KCNB2: variants seen among roughly 807,000 people sequenced by gnomAD.
The protein encoded by KCNB2 is potassium voltage-gated channel subfamily B member 2, also known as delayed rectifier potassium channel protein.
Under a neutral mutation model 61.5 loss-of-function variants are expected in KCNB2, and 15 were observed. That is an observed-to-expected ratio of 0.24 (90% CI 0.16 to 0.38). KCNB2 has a LOEUF of 0.38. Ranked by LOEUF, KCNB2 falls within the 10% of genes least tolerant of loss-of-function variation. The pLI is 1.00. For synonymous variants in KCNB2, 457 were observed against 446.0 expected (o/e 1.02, Z -0.31); for missense variants, 828 against 1,125.2 (o/e 0.74, Z 3.78).
In KCNB2 at chr8:72,881,486, A is replaced by G. The variant is rs1174471569; in HGVS notation, c.580-54449A>G. 2 of 5,282 alleles carry G rather than the reference A, an allele frequency of 3.8e-4. 1 individual carries two copies. The highest frequency in any genetic ancestry group is 1.2e-3 in the Non-Finnish European group (2 of 1,604). The allele number at this position is 5,282 out of a possible 1,614,324, so 0.3% of individuals were successfully genotyped here. The stretch of plus-strand genomic sequence containing the variant: ...TGTCTGGCACTCCCTAGTGAGATGA[A>G]CCCGGTACCTCAGATGGAAATGCAG... On this transcript the variant is annotated intron_variant, in intron 2 of 2. Transcript: ENST00000523207.
chr8:72,572,517 T>C (rs1324458151), intron 2 of KCNB2, among the ~76,000 whole-genome samples: 1 of 151,724 alleles, frequency 6.6e-6, no homozygotes, highest in African/African-American at 2.4e-5. Flanking sequence ...ACTTCCTCCC[T>C]CCCTTTCCCC....
intron 2 of KCNB2, among the ~76,000 whole-genome samples, chr8:72,885,118 C>T (rs1292744025): frequency 6.6e-6 from 1 of 152,062 alleles, no homozygotes; most frequent in Non-Finnish European, 1.5e-5. Context: ...TGGTTTATGA[C>T]ATAATCTCCT....
At chr8:72,841,305 G>A (rs866762792) in intron 2 of KCNB2, among the ~76,000 whole-genome samples, 2 of 67,242 alleles carry the variant, frequency 3.0e-5, no homozygotes, top group Middle Eastern at 8.2e-3. Context: ...GGTTACTATA[G>A]CCCTGTAGTA....
Position 72,677,344 on chromosome 8 carries a change from A to G in KCNB2, c.579+109031A>G, listed in dbSNP as rs183815382. On this transcript the variant is annotated intron_variant, in intron 2 of 2. Transcript: ENST00000523207. The stretch of plus-strand genomic sequence containing the variant: ...GTTAAAGCAGCCCTGGGAATCTACT[A>G]CAGGCCACAACCTCTCAGCACCAAG... Among the ~76,000 whole-genome samples, 261 of 152,306 alleles carry G rather than the reference A, an allele frequency of 1.7e-3. 2 individuals carry two copies. Among genetic ancestry groups the G allele is most frequent in the African/African-American group, 5.9e-3 (245 of 41,566 alleles).
At chr8:72,673,120 A>G (rs1021064502) in intron 2 of KCNB2, among the ~76,000 whole-genome samples, 10 of 152,238 alleles carry the variant, frequency 6.6e-5, no homozygotes, top group Non-Finnish European at 1.3e-4. Flanking sequence ...TGTTATTCAC[A>G]ATAGGTGAAT....
chr8:72,850,856 TGA>T (rs1273068548), intron 2 of KCNB2, among the ~76,000 whole-genome samples: 1 of 151,986 alleles, frequency 6.6e-6, no homozygotes, highest in Non-Finnish European at 1.5e-5. Context: ...GACTTCTGTA[TGA>T]GTATCAATCT....
At chr8:72,715,127 T>C (rs903969559) in intron 2 of KCNB2, among the ~76,000 whole-genome samples, 20 of 152,168 alleles carry the variant, frequency 1.3e-4, no homozygotes, top group Admixed American at 1.0e-3. Context: ...TAAATATATA[T>C]GCACCCAATA....
intron 2 of KCNB2, among the ~76,000 whole-genome samples, chr8:72,576,023 C>A (rs79101228): frequency 6.6e-6 from 1 of 151,936 alleles, no homozygotes; most frequent in Non-Finnish European, 1.5e-5. Flanking sequence ...ATTGATCATT[C>A]GGATAAAGGA....
intron 2 of KCNB2, among the ~76,000 whole-genome samples, chr8:72,922,729 G>A (rs1424602383): frequency 2.0e-5 from 3 of 152,088 alleles, no homozygotes; most frequent in Non-Finnish European, 4.4e-5. Flanking sequence ...AACTTTGGAG[G>A]GACATAAGCA....
chr8:72,560,951 T>C (rs1181977667), intron 1 of KCNB2, among the ~76,000 whole-genome samples: 1 of 152,164 alleles, frequency 6.6e-6, no homozygotes, highest in Admixed American at 6.5e-5. Flanking sequence ...AAAATTATAT[T>C]ACGGGGTCTA....
chr8:72,875,538 C>CTTTTTT (rs1202722527), intron 2 of KCNB2, among the ~76,000 whole-genome samples: 4 of 7,642 alleles, frequency 5.2e-4, no homozygotes, highest in South Asian at 2.8e-3. Flanking sequence ...CATTGCAAAT[C>CTTTTTT]TTTTTTTTTT....
intron 2 of KCNB2, among the ~76,000 whole-genome samples, chr8:72,725,577 A>ATGTG (rs1397992108): frequency 8.8e-4 from 58 of 65,714 alleles, no homozygotes; most frequent in African/African-American, 4.1e-3. Context: ...ATATATATGT[A>ATGTG]TATATATATG....
In KCNB2 at chr8:72,757,752, A is replaced by C. The variant is rs1022367229; in HGVS notation, c.580-178183A>C. On this transcript the variant is annotated intron_variant, in intron 2 of 2. Coordinates refer to ENST00000523207, the MANE Select transcript of KCNB2 (RefSeq NM_004770.3). ...CCTTGTAGAAGGCCAGGGTTGGCAC[A>C]ATGGGGGCTGATGCTGAAGTTTGGG... Among the ~76,000 whole-genome samples, 35 of 152,224 alleles carry C rather than the reference A, an allele frequency of 2.3e-4. 1 individual carries two copies. The highest frequency in any genetic ancestry group is 2.0e-3 in the Admixed American group (31 of 15,282).
intron 2 of KCNB2, among the ~76,000 whole-genome samples, chr8:72,570,204 T>C (rs1287716820): frequency 2.6e-5 from 4 of 152,156 alleles, no homozygotes; most frequent in African/African-American, 9.6e-5. Context: ...AAATTATGTC[T>C]GTATGTATAG....
At chr8:72,551,527 G>C (rs549912744) in intron 1 of KCNB2, among the ~76,000 whole-genome samples, 2 of 152,062 alleles carry the variant, frequency 1.3e-5, no homozygotes, top group Non-Finnish European at 2.9e-5. Context: ...CTAGAAGGCC[G>C]TCTCGCATAG....
At chr8:72,683,254 A>G (rs1397335239) in intron 2 of KCNB2, among the ~76,000 whole-genome samples, 1 of 152,226 alleles carries the variant, frequency 6.6e-6, no homozygotes, top group East Asian at 1.9e-4. Context: ...TGCTTCTGAC[A>G]CTTTTTTTTC....
intron 2 of KCNB2, among the ~76,000 whole-genome samples, chr8:72,597,162 TA>T (rs1807211922): frequency 6.6e-6 from 1 of 152,062 alleles, no homozygotes; most frequent in South Asian, 2.1e-4. Context: ...TAGCTGGGAC[TA>T]CAGGCGCACG....
intron 2 of KCNB2, among the ~76,000 whole-genome samples, chr8:72,731,771 A>C (rs1402792486): frequency 2.6e-5 from 4 of 152,230 alleles, no homozygotes; most frequent in Admixed American, 2.0e-4. Flanking sequence ...ATGTCACAGA[A>C]CTTCTAATGG....
rs561450082 is a variant in KCNB2 at position 72,797,177 on chromosome 8, C to T, written c.580-138758C>T. 2.0e-5 allele frequency among the ~76,000 whole-genome samples: 3 copies of T among 152,260 alleles called. No homozygotes were observed. The South Asian group carries it at 6.2e-4, about 32-fold the overall frequency. ...TGATGCTGGGGATGACATTTGTAAT[C>T]TCTAAAAGAGAATCCTTGTTTGCCT... On this transcript the variant is annotated intron_variant, in intron 2 of 2. Transcript: ENST00000523207.
Sources: gnomAD v4.1 joint callset for allele counts (sites outside exome capture counted in the v4.1 genomes callset) on GRCh38, gnomAD v4.1.1 for gene constraint, MANE v1.5 for transcripts, NCBI Gene and HGNC (gene_info 2026-07-23, HGNC 2026-07-21) for gene names.